HARS1: variants seen among roughly 807,000 people sequenced by gnomAD.
The protein encoded by HARS1 is histidine--tRNA ligase, cytoplasmic.
Under a neutral mutation model 63.6 loss-of-function variants are expected in HARS1, and 45 were observed. The ratio of observed to expected loss-of-function variants is 0.71; its 90% CI spans 0.56 to 0.91. HARS1 has a LOEUF of 0.91. HARS1 is among the 40% of genes least tolerant of loss of function. HARS1 has a pLI of 0.00. For missense variants in HARS1, 508 were observed against 643.2 expected, an observed-to-expected ratio of 0.79 and a Z score of 2.27; for synonymous variants, 205 against 247.1, an observed-to-expected ratio of 0.83 and a Z score of 1.60.
chr5:140,680,511 G>A (rs931740959), intron 3 of HARS1, among the ~76,000 whole-genome samples: 8 of 152,040 alleles, frequency 5.3e-5, no homozygotes, highest in Non-Finnish European at 8.8e-5. Flanking sequence ...CCTCCCTCAT[G>A]TTATACTGTT....
At position 140,679,356 on chromosome 5, in the gene HARS1, T is replaced by C; in HGVS notation, c.397-229A>G. 1 of 476,194 alleles carries C rather than the reference T, an allele frequency of 2.1e-6. No homozygotes were observed. The highest frequency in any genetic ancestry group is 2.0e-5 in the African/African-American group (1 of 50,016). The allele number at this position is 476,194 out of a possible 1,614,324, so 29.5% of individuals were successfully genotyped here. A position where few individuals can be genotyped will look rare whatever the true frequency, so the allele number is the denominator to read the frequency against. On this transcript the variant is annotated intron_variant, in intron 4 of 12. Transcript: ENST00000504156. This position sits in a 1 kb window ranked among gnomAD's most constrained non-coding sequence, Gnocchi z 4.3. ...TCCCTTTTGTAGTGTTGACTGGACT[T>C]TTTTGAGCATGGCAAGGGGCTGGGC... is the stretch of plus-strand genomic sequence containing the variant.
Position 140,677,195 on chromosome 5 carries a change from A to G in HARS1, c.824-79T>C, listed in dbSNP as rs1030525900. On this transcript the variant is annotated intron_variant, in intron 8 of 12. Transcript: ENST00000504156. ...GGGTTGACCTTCTTGCCTGGACTCTAGTCGCCCATGCATGTGTGTGTACAT... is the reference window on the plus strand; with the variant it reads ...GGGTTGACCTTCTTGCCTGGACTCTGGTCGCCCATGCATGTGTGTGTACAT... The G allele has an allele frequency of 2.0e-6, 3 of 1,506,198 alleles. No homozygotes were observed. The African/African-American group carries it at 4.1e-5, about 21-fold the overall frequency. 93.3% of individuals were successfully genotyped at this position (1,506,198 alleles called of 1,614,324 possible).
At chr5:140,685,549 A>G (rs1411094153) in intron 2 of HARS1, among the ~76,000 whole-genome samples, 1 of 151,226 alleles carries the variant, frequency 6.6e-6, no homozygotes, top group Non-Finnish European at 1.5e-5. Context: ...GTGAAACCCC[A>G]TCTCTACTAA....
At chr5:140,686,813 A>C (rs1281747165) in intron 2 of HARS1, among the ~76,000 whole-genome samples, 2 of 151,664 alleles carry the variant, frequency 1.3e-5, no homozygotes, top group East Asian at 1.9e-4. Flanking sequence ...GGTTGGTCTC[A>C]AACTCCCGAC....
chr5:140,675,807 C>T (rs1271503750), intron 10 of HARS1: 2 of 152,210 alleles, frequency 1.3e-5, no homozygotes, highest in Non-Finnish European at 1.5e-5. Context: ...GAGAATGCTG[C>T]TGCTGCTTCC....
intron 2 of HARS1, among the ~76,000 whole-genome samples, chr5:140,690,573 T>C (rs1454611282): frequency 2.0e-5 from 3 of 152,356 alleles, no homozygotes; most frequent in African/African-American, 7.2e-5. Context: ...CTTTGTATAG[T>C]GCTAGAGACA....
At position 140,676,153 on chromosome 5, in the gene HARS1, G is replaced by A. The variant is rs927263600; in HGVS notation, c.1194+501C>T. The A allele has an allele frequency of 1.3e-5, 2 of 155,910 alleles. No homozygotes were observed. The highest frequency in any genetic ancestry group is 2.8e-5 in the Non-Finnish European group (2 of 70,610). 9.7% of individuals were successfully genotyped at this position (155,910 alleles called of 1,614,324 possible). On this transcript the variant is annotated intron_variant, in intron 10 of 12. Coordinates refer to ENST00000504156, the MANE Select transcript of HARS1 (RefSeq NM_002109.6). This position sits in a 1 kb window ranked among gnomAD's most constrained non-coding sequence, Gnocchi z 4.1. ...GGTTAGTGGCAAGACTTTGGAGTCAGACTGCCTGGATTCAAATTCTGACCC... is the reference window on the plus strand; with the variant it reads ...GGTTAGTGGCAAGACTTTGGAGTCAAACTGCCTGGATTCAAATTCTGACCC...
chr5:140,687,076 G>A (rs935859443), intron 2 of HARS1, among the ~76,000 whole-genome samples: 1 of 152,168 alleles, frequency 6.6e-6, no homozygotes, highest in Non-Finnish European at 1.5e-5. Context: ...AATAAAACAA[G>A]ATGTTCTATG....
At position 140,679,698 on chromosome 5, in the gene HARS1, T is replaced by C; in HGVS notation, c.396+90A>G. The C allele has an allele frequency of 1.5e-6, 1 of 655,872 alleles. No individual in the cohort carries two copies. The highest frequency in any genetic ancestry group is 2.7e-6 in the Non-Finnish European group (1 of 368,422). 40.6% of individuals were successfully genotyped at this position (655,872 alleles called of 1,614,324 possible). ...TCCCCTAATCGCCAAAGGCCTCATA[T>C]TTGATCCTACCTACTCTACCATTCT... On this transcript the variant is annotated intron_variant, in intron 4 of 12. Coordinates refer to ENST00000504156, the MANE Select transcript of HARS1 (RefSeq NM_002109.6). The surrounding 1 kb of genome is among the most constrained non-coding windows in gnomAD (Gnocchi z 4.3).
rs1758189473 is a variant in HARS1 at position 140,673,969 on chromosome 5, G to T, written c.*288C>A. 1 of 570,784 alleles carries T rather than the reference G, an allele frequency of 1.8e-6. No homozygotes were observed. Among genetic ancestry groups the T allele is most frequent in the Non-Finnish European group, 3.1e-6 (1 of 320,068 alleles). The allele number at this position is 570,784 out of a possible 1,614,324, so 35.4% of individuals were successfully genotyped here. On this transcript the variant is annotated 3_prime_UTR_variant, in exon 13 of 13. Transcript: ENST00000504156. ...TGGTGGGGAGGCATCTGCTCCAACT[G>T]GTGCGGGGCCCTGCAGATGGGACCA...
Position 140,679,595 on chromosome 5 carries a change from C to T in HARS1, c.396+193G>A. The T allele has an allele frequency of 2.0e-6, 1 of 508,584 alleles. No homozygotes were observed. 31.5% of individuals were successfully genotyped at this position (508,584 alleles called of 1,614,324 possible). On this transcript the variant is annotated intron_variant, in intron 4 of 12. Transcript: ENST00000504156. This position sits in a 1 kb window ranked among gnomAD's most constrained non-coding sequence, Gnocchi z 4.3. Reference sequence around the variant, plus strand: ...GGGCCCTGACATCAAGCTGAGGTCTCACTCAGGATTCAGAAGATTTCTAAG... The same window carrying T: ...GGGCCCTGACATCAAGCTGAGGTCTTACTCAGGATTCAGAAGATTTCTAAG...
chr5:140,691,199 G>T lies in HARS1; in HGVS notation c.90+16C>A. ...AGGCTTTGCCTTGGCCCTCTCCCCT[G>T]CTGCCTAAATCTCACCAGCTCGGCG... is the stretch of plus-strand genomic sequence containing the variant. On this transcript the variant is annotated intron_variant, in intron 1 of 12. Coordinates refer to ENST00000504156, the MANE Select transcript of HARS1 (RefSeq NM_002109.6). 1 of 1,577,150 alleles carries T rather than the reference G, an allele frequency of 6.3e-7. No homozygotes were observed. The highest frequency in any genetic ancestry group is 8.6e-7 in the Non-Finnish European group (1 of 1,157,828).
At chr5:140,690,626 GCAGCAGGCTGACTCCCCTGATCACC>G (rs1305117042) in intron 2 of HARS1, among the ~76,000 whole-genome samples, 1 of 152,180 alleles carries the variant, frequency 6.6e-6, no homozygotes, top group Non-Finnish European at 1.5e-5. Context: ...AGGAGTAGCA[GCAGCAGGCTGACTCCCCTGATCACC>G]CAGCTGGCCT....
rs1759423989 is a variant in HARS1, at chr5:140,691,324, C to T, written c.-20G>A. 5 of 1,584,810 alleles carry T rather than the reference C, an allele frequency of 3.2e-6. No individual in the cohort carries two copies. The highest frequency in any genetic ancestry group is 3.4e-6 in the Non-Finnish European group (4 of 1,166,932). On this transcript the variant is annotated 5_prime_UTR_variant, in exon 1 of 13. Transcript: ENST00000504156. Reference sequence around the variant, plus strand: ...TGCCATCCCGGCTGTCCACTTGAGCCGCCTGCTGTCTCGACCTGCGGTGGT... The same window carrying T: ...TGCCATCCCGGCTGTCCACTTGAGCTGCCTGCTGTCTCGACCTGCGGTGGT...
Position 140,677,080 on chromosome 5 carries a change from G to A in HARS1, c.860C>T (p.Pro287Leu). 6.2e-7 allele frequency: 1 copy of A among 1,614,116 alleles called. No individual in the cohort carries two copies. The highest frequency in any genetic ancestry group is 8.5e-7 in the Non-Finnish European group (1 of 1,179,972). Residue 287 changes from proline (P) to leucine (L), a missense_variant, in exon 9 of 13, where the codon CCT (proline) becomes CTT (leucine). Pro to Leu is a moderately conservative substitution (Grantham distance 98). Around this residue, in one of 2 missense-constraint regions of HARS1, gnomAD observed 403 missense variants for 548.7 expected, o/e 0.73. Coordinates refer to ENST00000504156, the MANE Select transcript of HARS1 (RefSeq NM_002109.6). ...GGCCTGCTTGTTTTGGGATAGTTTA[G>A]GATCCTGGAGCAGCTGTTCCACCAG... is the stretch of plus-strand genomic sequence containing the variant. ...VSLVEQLLQD[P>L]KLSQNKQALE...
intron 2 of HARS1, among the ~76,000 whole-genome samples, 162 bp from the exon 3 acceptor site, chr5:140,683,381 C>T (rs1758835758): frequency 6.6e-6 from 1 of 152,216 alleles, no homozygotes; most frequent in Admixed American, 6.5e-5. Flanking sequence ...ACAAATAATT[C>T]CCTATTAATT....
chr5:140,686,928 T>C (rs555667108), intron 2 of HARS1, among the ~76,000 whole-genome samples: 33 of 152,374 alleles, frequency 2.2e-4, no homozygotes, highest in African/African-American at 7.7e-4. Context: ...ACCTGAATAC[T>C]TGAATTTTTT....
At chr5:140,690,264 C>T (rs1014976810) in intron 2 of HARS1, among the ~76,000 whole-genome samples, 1 of 152,086 alleles carries the variant, frequency 6.6e-6, no homozygotes, top group Non-Finnish European at 1.5e-5. Context: ...CCATCCTGGC[C>T]AATATGGTGA....
At chr5:140,678,935 AAT>A in intron 5 of HARS1, 65 bp downstream of exon 5, 2 of 1,552,332 alleles carry the variant, frequency 1.3e-6, no homozygotes, top group Admixed American at 1.7e-5. Flanking sequence ...GTGAGTACTC[AAT>A]AGATTCTGCT....
Sources: gnomAD v4.1 joint callset for allele counts (sites outside exome capture counted in the v4.1 genomes callset) on GRCh38, gnomAD v4.1.1 for gene constraint, gnomAD v4.1.1 regional missense constraint, Gnocchi (gnomAD v3.1) non-coding constraint, MANE v1.5 for transcripts, NCBI Gene and HGNC (gene_info 2026-07-23, HGNC 2026-07-21) for gene names.